The following ZC3H7A variants were observed in gnomAD, a reference collection of about 807,000 sequenced individuals.
The protein encoded by ZC3H7A is zinc finger CCCH domain-containing protein 7A.
Under a neutral mutation model 125.5 loss-of-function variants are expected in ZC3H7A, and 44 were observed. The observed-to-expected ratio is 0.35, with a 90% CI of 0.28 to 0.45. The LOEUF (loss-of-function observed/expected upper bound fraction) is 0.45, where lower values mean the gene tolerates loss of function less well. Among genes scored for constraint, ZC3H7A ranks in the 20% least tolerant of loss-of-function variants. The probability of loss-of-function intolerance (pLI) is 1.00; values close to 1 mark genes in which losing one functional copy is unlikely to be tolerated. For synonymous variants in ZC3H7A, 399 were observed against 391.2 expected (o/e 1.02, Z -0.23); for missense variants, 977 against 1,170.7 (o/e 0.83, Z 2.41).
chr16:11,793,843 T>G (rs999421326), intron 1 of ZC3H7A, among the ~76,000 whole-genome samples: 1 of 152,200 alleles, frequency 6.6e-6, no homozygotes, highest in Admixed American at 6.5e-5. Context: ...GAAAATTTCA[T>G]GAGAGACAGT....
intron 1 of ZC3H7A, among the ~76,000 whole-genome samples, chr16:11,785,941 C>T (rs548742152): frequency 4.0e-5 from 6 of 151,834 alleles, no homozygotes; most frequent in Non-Finnish European, 8.8e-5. Context: ...TTTAAAGTGA[C>T]GGGTAGGTAT....
chr16:11,756,474 C>T, intron 20 of ZC3H7A, 104 bp from the exon 21 acceptor site: 1 of 1,414,976 alleles, frequency 7.1e-7, no homozygotes, highest in Non-Finnish European at 9.5e-7. Context: ...TCAAAAGAAA[C>T]TCAAGGGGGC....
intron 22 of ZC3H7A, among the ~76,000 whole-genome samples, 195 bp downstream of exon 22, chr16:11,752,474 T>C (rs1357434430): frequency 6.6e-6 from 1 of 152,212 alleles, no homozygotes; most frequent in Admixed American, 6.5e-5. Flanking sequence ...TCTTTTCATA[T>C]AACCTAAGAA....
At chr16:11,769,770 T>TTTTCAATTG (rs1281687138) in intron 10 of ZC3H7A, among the ~76,000 whole-genome samples, 1 of 128,370 alleles carries the variant, frequency 7.8e-6, no homozygotes, top group African/African-American at 3.2e-5. Context: ...ATCAGTAAAG[T>TTTTCAATTG]TTTCAATTGC....
Position 11,751,129 on chromosome 16 carries a change from GTT to G in ZC3H7A, c.*186_*187del. 1 of 540,668 alleles carries G rather than the reference GTT, an allele frequency of 1.8e-6. No homozygotes were observed. Among genetic ancestry groups the G allele is most frequent in the Non-Finnish European group, 3.2e-6 (1 of 314,808 alleles). 33.5% of individuals were successfully genotyped at this position (540,668 alleles called of 1,614,324 possible). On this transcript the variant is annotated 3_prime_UTR_variant, in exon 23 of 23. Coordinates refer to ENST00000355758, the MANE Select transcript of ZC3H7A (RefSeq NM_014153.4). ...GTCACTTCACCATCTGATGCCAGTG[GTT>G]CCGTGAGAGCGTGGCCAGGCCTGTG... is the stretch of plus-strand genomic sequence containing the variant.
In ZC3H7A at chr16:11,765,501, T is replaced by G; in HGVS notation, c.1707A>C (p.Ile569=). ...TTGGAGAACACACCTCACAAAGGAA[T>G]ATAAATTCCCCAAGATGCTCCTGGA... ...KLLQEHLGEF[I]FLCEKCFDHK... is the part of the protein sequence containing the mutation. Residue 569 remains isoleucine, a synonymous_variant, in exon 14 of 23, where the codon ATA becomes ATC. Coordinates refer to ENST00000355758, the MANE Select transcript of ZC3H7A (RefSeq NM_014153.4). This position sits in a 1 kb window ranked among gnomAD's most constrained non-coding sequence, Gnocchi z 4.8. 1.9e-6 allele frequency: 3 copies of G among 1,613,058 alleles called. No individual in the cohort carries two copies. The highest frequency in any genetic ancestry group is 2.5e-6 in the Non-Finnish European group (3 of 1,179,394).
At chr16:11,756,101 T>C in intron 21 of ZC3H7A, 136 bp downstream of exon 21, 1 of 1,257,892 alleles carries the variant, frequency 7.9e-7, no homozygotes, top group South Asian at 1.5e-5. Context: ...AGGCGGAGGT[T>C]GCAGTGAGCT....
intron 20 of ZC3H7A, among the ~76,000 whole-genome samples, chr16:11,757,960 C>T (rs1195100567): frequency 1.3e-5 from 2 of 152,206 alleles, no homozygotes; most frequent in Admixed American, 6.5e-5. Flanking sequence ...AAGGCTCCCA[C>T]AATAAACTTG....
At chr16:11,794,037 G>A (rs1294281177) in intron 1 of ZC3H7A, among the ~76,000 whole-genome samples, 3 of 152,174 alleles carry the variant, frequency 2.0e-5, no homozygotes, top group Admixed American at 6.5e-5. Context: ...CGGCACCCAC[G>A]CCCTGCTAAG....
At chr16:11,753,504 C>G (rs531254553) in intron 21 of ZC3H7A, among the ~76,000 whole-genome samples, 1 of 152,146 alleles carries the variant, frequency 6.6e-6, no homozygotes, top group Non-Finnish European at 1.5e-5. Context: ...TATGGTGGTG[C>G]GATCATAGCT....
intron 4 of ZC3H7A, among the ~76,000 whole-genome samples, chr16:11,778,418 C>A (rs1482989603): frequency 1.0e-4 from 12 of 120,174 alleles, no homozygotes; most frequent in Non-Finnish European, 1.9e-4. Context: ...GCCTGGGTGA[C>A]AGAGCGAGAC....
chr16:11,772,129 A>G (rs2052994542), intron 9 of ZC3H7A, among the ~76,000 whole-genome samples: 1 of 151,250 alleles, frequency 6.6e-6, no homozygotes, highest in Non-Finnish European at 1.5e-5. Context: ...TGGGAGGTGG[A>G]GGTTGCAGTG....
chr16:11,780,701 G>A (rs191327669), intron 3 of ZC3H7A, among the ~76,000 whole-genome samples: 233 of 152,214 alleles, frequency 1.5e-3, no homozygotes, highest in Non-Finnish European at 2.7e-3. Context: ...TAAGGAACAA[G>A]AGAGAAGAAA....
At position 11,766,437 on chromosome 16, in the gene ZC3H7A, C is replaced by T. The variant is rs147788644; in HGVS notation, c.1523-752G>A. Among the ~76,000 whole-genome samples the T allele has an allele frequency of 4.6e-4, 70 of 152,266 alleles. 1 individual carries two copies. The highest frequency in any genetic ancestry group is 1.6e-3 in the African/African-American group (66 of 41,552). On this transcript the variant is annotated intron_variant, in intron 13 of 22. Coordinates refer to ENST00000355758, the MANE Select transcript of ZC3H7A (RefSeq NM_014153.4). ...AAAATCAGTGAGGCAGGGCGGCACA[C>T]GCCTGTAATTCCAGCTATTCGGTAG...
rs34038330 is a variant in ZC3H7A, at chr16:11,768,520, GAA to G, written c.1174-21_1174-20del. The G allele has an allele frequency of 1.2e-4, 133 of 1,147,188 alleles. No individual in the cohort carries two copies. The highest frequency in any genetic ancestry group is 2.9e-4 in the Middle Eastern group (1 of 3,446). 71.1% of individuals were successfully genotyped at this position (1,147,188 alleles called of 1,614,324 possible). On this transcript the variant is annotated intron_variant, in intron 11 of 22. Coordinates refer to ENST00000355758, the MANE Select transcript of ZC3H7A (RefSeq NM_014153.4). ...CATTCATCTGCAAGAAAAATAAGAAGAAAAAAAAAAAAAACAGCCAACAAATA... is the reference window on the plus strand; with the variant it reads ...CATTCATCTGCAAGAAAAATAAGAAGAAAAAAAAAAAACAGCCAACAAATA...
chr16:11,753,005 G>T, intron 21 of ZC3H7A, 173 bp from the exon 22 acceptor site: 2 of 665,648 alleles, frequency 3.0e-6, no homozygotes, highest in South Asian at 2.2e-5. Flanking sequence ...AGGACACAGA[G>T]AAGAAGGGTG....
At chr16:11,791,044 C>G (rs1196765666) in intron 1 of ZC3H7A, among the ~76,000 whole-genome samples, 1 of 150,832 alleles carries the variant, frequency 6.6e-6, no homozygotes. Context: ...TGCACTCCAG[C>G]CTGGGGTACA....
chr16:11,788,401 G>C (rs2053291676), intron 1 of ZC3H7A, among the ~76,000 whole-genome samples: 1 of 152,182 alleles, frequency 6.6e-6, no homozygotes, highest in African/African-American at 2.4e-5. Flanking sequence ...TCCCCAGGCA[G>C]ACCCTCTGGC....
rs2052548415 is a variant in ZC3H7A at position 11,751,235 on chromosome 16, G to C, written c.*82C>G. The C allele has an allele frequency of 7.2e-7, 1 of 1,385,900 alleles. No homozygotes were observed. The highest frequency in any genetic ancestry group is 2.4e-5 in the East Asian group (1 of 41,236). 85.9% of individuals were successfully genotyped at this position (1,385,900 alleles called of 1,614,324 possible). A position where few individuals can be genotyped will look rare whatever the true frequency, so the allele number is the denominator to read the frequency against. ...CGCCAATACAAGCAGGAAATCTGCA[G>C]CTCCTCTGCTATGTGCCTCAGAACA... On this transcript the variant is annotated 3_prime_UTR_variant, in exon 23 of 23. Coordinates refer to ENST00000355758, the MANE Select transcript of ZC3H7A (RefSeq NM_014153.4).
Sources: gnomAD v4.1 joint callset for allele counts (sites outside exome capture counted in the v4.1 genomes callset) on GRCh38, gnomAD v4.1.1 for gene constraint, Gnocchi (gnomAD v3.1) non-coding constraint, MANE v1.5 for transcripts, NCBI Gene and HGNC (gene_info 2026-07-23, HGNC 2026-07-21) for gene names.